The following TDP2 variants were observed in gnomAD, a reference collection of about 807,000 sequenced individuals.
TDP2 encodes tyrosyl-DNA phosphodiesterase 2.
In TDP2, 38 loss-of-function variants were observed where a neutral mutation model predicts 42.8. That is an observed-to-expected ratio of 0.89 (90% CI 0.68 to 1.16). The LOEUF is 1.16. Ranked by LOEUF, TDP2 falls within the 50% of genes most tolerant of loss-of-function variation. TDP2 has a pLI of 0.00. For missense variants in TDP2, 439 were observed against 439.3 expected (o/e 1.00, Z 0.01); for synonymous variants, 173 against 150.6 (o/e 1.15, Z -1.09).
Position 24,650,886 on chromosome 6 carries a change from G to T in TDP2, c.991C>A (p.Pro331Thr), listed in dbSNP as rs1943599322. 6.2e-7 allele frequency: 1 copy of T among 1,614,012 alleles called. No individual in the cohort carries two copies. The highest frequency in any genetic ancestry group is 1.7e-5 in the Admixed American group (1 of 60,002). The stretch of plus-strand genomic sequence containing the variant: ...AATCCAAGAAGGTCCAAACTTCGGG[G>T]AATAATGTGTCCCTCTTCTGCTGCT... The part of the protein sequence containing the change: ...RAAAEEGHII[P>T]RSLDLLGLEK... Residue 331 changes from proline (P) to threonine (T), a missense_variant, in exon 7 of 7, where the codon CCC becomes ACC. By Grantham distance (38) the Pro-to-Thr change is conservative. Transcript: ENST00000378198.
intron 6 of TDP2, among the ~76,000 whole-genome samples, chr6:24,651,630 T>C (rs1777976685): frequency 6.0e-5 from 1 of 16,738 alleles, no homozygotes; most frequent in Non-Finnish European, 9.7e-5. Flanking sequence ...CTCACTCTGT[T>C]GCCCAGGATG....
Position 24,666,612 on chromosome 6 carries a change from C to T in TDP2, c.166-1G>A, listed in dbSNP as rs1778246955. The T allele has an allele frequency of 6.2e-7, 1 of 1,614,112 alleles. No homozygotes were observed. Among genetic ancestry groups the T allele is most frequent in the Admixed American group, 1.7e-5 (1 of 60,010 alleles). The stretch of plus-strand genomic sequence containing the variant: ...GCTCGAAGTAGGAGTTCAGAGCCCT[C>T]TGAAAAACAAAGGCACAAGGGATGA... On this transcript the variant is annotated splice_acceptor_variant, in intron 1 of 6. Coordinates refer to ENST00000378198, the MANE Select transcript of TDP2 (RefSeq NM_016614.3). LOFTEE classifies it high-confidence loss of function.
intron 4 of TDP2, among the ~76,000 whole-genome samples, chr6:24,656,580 C>A (rs185626389): frequency 6.6e-6 from 1 of 152,052 alleles, no homozygotes; most frequent in South Asian, 2.1e-4. Flanking sequence ...CCAAAGAACA[C>A]GAGGGTTAAA....
chr6:24,665,112 A>C (rs3756819), intron 2 of TDP2, among the ~76,000 whole-genome samples: 24,039 of 152,180 alleles, frequency 0.16, 2,027 homozygotes, highest in South Asian at 0.26. Context: ...TGTTTAAGGA[A>C]GGGCAGTTAA....
chr6:24,664,034 G>T lies in TDP2; in HGVS notation c.251+2492C>A, dbSNP rs17249575. On this transcript the variant is annotated intron_variant, in intron 2 of 6. Transcript: ENST00000378198. ...CAGAAAGGGACTGGCAAACTTTAGG[G>T]GCATGATTTGTTGACTTCATTCCTA... 7.3e-3 allele frequency among the ~76,000 whole-genome samples: 1,116 copies of T among 152,264 alleles called. 11 individuals carry two copies. The highest frequency in any genetic ancestry group is 0.04 in the South Asian group (194 of 4,822).
At chr6:24,665,614 A>G (rs536252126) in intron 2 of TDP2, among the ~76,000 whole-genome samples, 1 of 152,320 alleles carries the variant, frequency 6.6e-6, no homozygotes, top group African/African-American at 2.4e-5. Flanking sequence ...TTATGTGTCA[A>G]ATGTTGTGTC....
rs765978658 is a variant in TDP2, at chr6:24,666,858, T to TC, written c.4dup (p.Glu2GlyfsTer20). 3.1e-6 allele frequency: 5 copies of TC among 1,613,448 alleles called. No individual in the cohort carries two copies. Among genetic ancestry groups the TC allele is most frequent in the East Asian group, 4.5e-5 (2 of 44,856 alleles). ...CCCGCCCTCCAGGCAACTCCCCAAC[T>TC]CCATCTTCCTGCCGCCTCTGCACCG... On this transcript the variant is annotated frameshift_variant, in exon 1 of 7. Transcript: ENST00000378198. LOFTEE classifies it high-confidence loss of function.
At chr6:24,663,911 A>G (rs1778191954) in intron 2 of TDP2, among the ~76,000 whole-genome samples, 1 of 152,270 alleles carries the variant, frequency 6.6e-6, no homozygotes, top group Non-Finnish European at 1.5e-5. Flanking sequence ...TATTTAATGC[A>G]GCAAGAAAAA....
At chr6:24,666,058 G>A in intron 2 of TDP2, 1 of 1,518,582 alleles carries the variant, frequency 6.6e-7, no homozygotes, top group Non-Finnish European at 8.8e-7. Context: ...AGGAACTGGA[G>A]AGGGGCACTG....
rs545056826 is a variant in TDP2, at chr6:24,665,621, T to A, written c.251+905A>T. 3.9e-5 allele frequency among the ~76,000 whole-genome samples: 6 copies of A among 152,344 alleles called. No homozygotes were observed. The South Asian group carries it at 1.2e-3, about 32-fold the overall frequency. Reference sequence around the variant, plus strand: ...GGAGCTTATTATGTGTCAAATGTTGTGTCAGACTTTGGGAAATTAACAATG... The same window carrying A: ...GGAGCTTATTATGTGTCAAATGTTGAGTCAGACTTTGGGAAATTAACAATG... On this transcript the variant is annotated intron_variant, in intron 2 of 6. Coordinates refer to ENST00000378198, the MANE Select transcript of TDP2 (RefSeq NM_016614.3).
rs1235362306 is a variant in TDP2 at position 24,650,704 on chromosome 6, T to A, written c.*84A>T. ...TCTGTGACAATGATCTAGTACATTA[T>A]TTCCTCCACAGCAAACCTACCTTTC... On this transcript the variant is annotated 3_prime_UTR_variant, in exon 7 of 7. Coordinates refer to ENST00000378198, the MANE Select transcript of TDP2 (RefSeq NM_016614.3). 1 of 1,389,516 alleles carries A rather than the reference T, an allele frequency of 7.2e-7. No homozygotes were observed. Among genetic ancestry groups the A allele is most frequent in the Admixed American group, 2.0e-5 (1 of 50,398 alleles). The allele number at this position is 1,389,516 out of a possible 1,614,324, so 86.1% of individuals were successfully genotyped here.
chr6:24,663,005 C>G (rs777034914), intron 2 of TDP2, among the ~76,000 whole-genome samples: 7 of 152,196 alleles, frequency 4.6e-5, no homozygotes, highest in Non-Finnish European at 8.8e-5. Context: ...CCGGCACACA[C>G]ACCTTTTTTT....
At chr6:24,653,521 T>C (rs17243367) in intron 5 of TDP2, among the ~76,000 whole-genome samples, 4,000 of 152,276 alleles carry the variant, frequency 0.026, 78 homozygotes, top group South Asian at 0.044. Context: ...CATAAGTCAT[T>C]TGCAAAGCAG....
At position 24,653,055 on chromosome 6, in the gene TDP2, T is replaced by C. The variant is rs11559067; in HGVS notation, c.735A>G (p.Leu245=). ...ACTCTGGAGCCTCTTGCATTTTCTT[T>C]AAAACCATTTTTAACTGATTCATTC... The part of the protein sequence containing the change: ...AERMNQLKMV[L]KKMQEAPESA... Residue 245 remains leucine (L), a synonymous_variant, in exon 6 of 7, where the codon TTA becomes TTG. Transcript: ENST00000378198. 0.033 allele frequency: 52,550 copies of C among 1,614,124 alleles called. 984 individuals carry two copies. Among genetic ancestry groups the C allele is most frequent in the Non-Finnish European group, 0.038 (44,397 of 1,180,010 alleles).
At chr6:24,662,585 C>G (rs1490863404) in intron 2 of TDP2, among the ~76,000 whole-genome samples, 1 of 147,806 alleles carries the variant, frequency 6.8e-6, no homozygotes, top group South Asian at 2.2e-4. Context: ...CTGTCGCATC[C>G]CCCTCACCGA....
chr6:24,660,274 G>A (rs1778119340), intron 2 of TDP2, among the ~76,000 whole-genome samples: 1 of 152,072 alleles, frequency 6.6e-6, no homozygotes, highest in Non-Finnish European at 1.5e-5. Context: ...CACCACATTT[G>A]GAGAAGCGTG....
chr6:24,657,711 G>T, intron 4 of TDP2, 101 bp downstream of exon 4: 1 of 524,154 alleles, frequency 1.9e-6, no homozygotes, highest in Non-Finnish European at 3.4e-6. Flanking sequence ...TTATTTATTT[G>T]TGCTTTTTCC....
chr6:24,665,643 A>C (rs1778218002), intron 2 of TDP2, among the ~76,000 whole-genome samples: 1 of 152,208 alleles, frequency 6.6e-6, no homozygotes, highest in Non-Finnish European at 1.5e-5. Flanking sequence ...GGAAATTAAC[A>C]ATGTACAAAA....
At position 24,666,125 on chromosome 6, in the gene TDP2, T is replaced by C. The variant is rs17249855; in HGVS notation, c.251+401A>G. The C allele has an allele frequency of 0.011, 17,265 of 1,549,170 alleles. 677 individuals carry two copies. The African/African-American group carries it at 0.12, about 11-fold the overall frequency. On this transcript the variant is annotated intron_variant, in intron 2 of 6. Coordinates refer to ENST00000378198, the MANE Select transcript of TDP2 (RefSeq NM_016614.3). ...AATAACAACAACAACAAACCTGTTA[T>C]TCTGGCCGGTCAGCCTAGGGCCTAG...
Sources: allele counts gnomAD v4.1 joint callset (sites outside exome capture counted in the v4.1 genomes callset), GRCh38; gene constraint gnomAD v4.1.1; transcripts MANE v1.5; gene names NCBI Gene and HGNC (gene_info 2026-07-23, HGNC 2026-07-21).